RYR1: variants seen among roughly 807,000 people sequenced by gnomAD.
RYR1 encodes central core disease of muscle.
In RYR1, 342 loss-of-function variants were observed where a neutral mutation model predicts 583.5. The observed-to-expected ratio is 0.59, with a 90% CI of 0.54 to 0.64. The LOEUF is 0.64. Ranked by LOEUF, RYR1 falls within the 30% of genes least tolerant of loss-of-function variation. RYR1 has a pLI of 0.00. For missense variants in RYR1, 6,032 were observed against 6,917.2 expected (o/e 0.87, Z 4.54); for synonymous variants, 2,791 against 2,822.5 (o/e 0.99, Z 0.35).
chr19:38,511,809 A>G (rs1243972536), intron 61 of RYR1, among the ~76,000 whole-genome samples, 199 bp downstream of exon 61: 1 of 152,132 alleles, frequency 6.6e-6, no homozygotes, highest in East Asian at 1.9e-4. Context: ...CTCCCAGGCC[A>G]GTGGGAGAGA....
At chr19:38,572,406 G>A (rs1973762105) in intron 95 of RYR1, 136 bp downstream of exon 95, 3 of 1,065,988 alleles carry the variant, frequency 2.8e-6, no homozygotes, top group Admixed American at 4.3e-5. Context: ...GGTGAGGGCT[G>A]GGGAACTGGG....
chr19:38,578,247 G>A (rs754892389), intron 99 of RYR1, 43 bp downstream of exon 99: 5 of 1,600,588 alleles, frequency 3.1e-6, no homozygotes, highest in Non-Finnish European at 4.3e-6. Context: ...CTGCAGGGGT[G>A]GGGCGTTAGG....
At chr19:38,517,174 T>A (rs546142529) in intron 65 of RYR1, among the ~76,000 whole-genome samples, 185 bp from the exon 66 acceptor site, 1 of 151,646 alleles carries the variant, frequency 6.6e-6, no homozygotes, top group South Asian at 2.1e-4. Context: ...GCGGGGCCAC[T>A]GAGTTTCAAT....
At chr19:38,493,181 TCTAA>T (rs1266470206) in intron 38 of RYR1, among the ~76,000 whole-genome samples, 4 of 152,214 alleles carry the variant, frequency 2.6e-5, no homozygotes, top group Admixed American at 6.5e-5. Flanking sequence ...GTGGCAAACC[TCTAA>T]CTAAGGGATG....
intron 48 of RYR1, 29 bp downstream of exon 48, chr19:38,502,756 C>CAGGGGCAGGGGA: frequency 3.0e-6 from 1 of 336,554 alleles, no homozygotes; most frequent in Admixed American, 5.3e-5. Flanking sequence ...CAGGGTGGGG[C>CAGGGGCAGGGGA]AGGGGCAGGG....
chr19:38,562,952 C>T (rs1030900640), intron 90 of RYR1, among the ~76,000 whole-genome samples: 4 of 152,206 alleles, frequency 2.6e-5, no homozygotes, highest in African/African-American at 9.6e-5. Flanking sequence ...TACACACCCC[C>T]ATCTGGCACA....
chr19:38,586,594 G>A lies in RYR1; in HGVS notation c.15021+18G>A. ...CGGGTCAGGTAAGGGGGTGTTAATG[G>A]GAGGACAGTGGGCAGGACGTGGAGC... is the stretch of plus-strand genomic sequence containing the variant. On this transcript the variant is annotated intron_variant, in intron 105 of 105. Coordinates refer to ENST00000359596, the MANE Select transcript of RYR1 (RefSeq NM_000540.3). 1 of 1,612,512 alleles carries A rather than the reference G, an allele frequency of 6.2e-7. No individual in the cohort carries two copies. The highest frequency in any genetic ancestry group is 8.5e-7 in the Non-Finnish European group (1 of 1,178,536).
rs1318662700 is a variant in RYR1, at chr19:38,466,414, T to C, written c.3178+16T>C. The C allele has an allele frequency of 1.3e-6, 2 of 1,540,352 alleles. No homozygotes were observed. The highest frequency in any genetic ancestry group is 1.7e-6 in the Non-Finnish European group (2 of 1,146,464). On this transcript the variant is annotated intron_variant, in intron 24 of 105. Coordinates refer to ENST00000359596, the MANE Select transcript of RYR1 (RefSeq NM_000540.3). ...CAGGAGCCCAGTGAGTGCTCACCCC[T>C]GGCCCTGGCCCTGACTCCTACCCCA...
Position 38,499,734 on chromosome 19 carries a change from T to G in RYR1, c.7127T>G (p.Leu2376Arg). The change falls in exon 44 of 106, where the codon CTG (leucine) becomes CGG (arginine). Residue 2376 changes from leucine to arginine, a missense_variant. By Grantham distance (102) the Leu-to-Arg change is moderately radical. Around this residue, in one of 11 missense-constraint regions of RYR1, gnomAD observed 2,627 missense variants for 2,961.3 expected, o/e 0.89. Coordinates refer to ENST00000359596, the MANE Select transcript of RYR1 (RefSeq NM_000540.3). This position sits in a 1 kb window ranked among gnomAD's most constrained non-coding sequence, Gnocchi z 7.3. The part of the protein sequence containing the change: ...PALRGEGGSG[L>R]LAAIEEAIRI... ...CTGCGGGGTGAGGGTGGCTCAGGGCTGCTGGCTGCCATCGAAGAGGCCATC... is the reference window on the plus strand; with the variant it reads ...CTGCGGGGTGAGGGTGGCTCAGGGCGGCTGGCTGCCATCGAAGAGGCCATC... 1 of 1,602,128 alleles carries G rather than the reference T, an allele frequency of 6.2e-7. No homozygotes were observed.
rs780036569 is a variant in RYR1 at position 38,455,469 on chromosome 19, A to G, written c.1595A>G (p.Asn532Ser). ...YELLASLIRG[N>S]RSNCALFSTN... Reference sequence around the variant, plus strand: ...CCCTCAGCTTCTCTAATCCGTGGCAATCGTAGCAACTGTGCCCTCTTCTCC... The same window carrying G: ...CCCTCAGCTTCTCTAATCCGTGGCAGTCGTAGCAACTGTGCCCTCTTCTCC... The change falls in exon 15 of 106, where the codon AAT (asparagine) becomes AGT (serine). Residue 532 changes from asparagine (N) to serine (S), a missense_variant. Transcript: ENST00000359596. The G allele has an allele frequency of 4.0e-5, 64 of 1,614,124 alleles. No homozygotes were observed. Among genetic ancestry groups the G allele is most frequent in the Non-Finnish European group, 5.1e-5 (60 of 1,180,010 alleles).
At chr19:38,478,721 C>G in intron 31 of RYR1, 121 bp downstream of exon 31, 1 of 1,129,574 alleles carries the variant, frequency 8.9e-7, no homozygotes, top group Non-Finnish European at 1.3e-6. Flanking sequence ...CTAGGCTGTC[C>G]TCAAGAGGTC....
At chr19:38,534,148 A>T (rs1305625088) in intron 78 of RYR1, among the ~76,000 whole-genome samples, 1 of 151,806 alleles carries the variant, frequency 6.6e-6, no homozygotes, top group African/African-American at 2.4e-5. Context: ...AGTAGCTAGG[A>T]CTACAGGCTC....
Position 38,499,180 on chromosome 19 carries a change from G to A in RYR1, c.6964G>A (p.Gly2322Ser). ...MLVAKGYPDI[G>S]WNPCGGERYL... The stretch of plus-strand genomic sequence containing the variant: ...TGTGGCCAAAGGGTACCCAGACATT[G>A]GCTGGAACCCCTGTGGTGGAGAGCG... The change falls in exon 43 of 106, where the codon GGC becomes AGC. Residue 2322 changes from glycine to serine, a missense_variant. This residue lies in a region of RYR1 where 2,627 missense variants were observed against 2,961.3 expected (regional missense o/e 0.89). Coordinates refer to ENST00000359596, the MANE Select transcript of RYR1 (RefSeq NM_000540.3). The surrounding 1 kb of genome is among the most constrained non-coding windows in gnomAD (Gnocchi z 7.3). The A allele has an allele frequency of 6.2e-7, 1 of 1,614,222 alleles. No individual in the cohort carries two copies.
In RYR1 at chr19:38,565,190, G is replaced by A. The variant is rs1309434320; in HGVS notation, c.12856G>A (p.Ala4286Thr). The A allele has an allele frequency of 2.9e-6, 3 of 1,048,846 alleles. No individual in the cohort carries two copies. The African/African-American group carries it at 5.2e-5, about 18-fold the overall frequency. The allele number at this position is 1,048,846 out of a possible 1,614,324, so 65.0% of individuals were successfully genotyped here. Reference protein sequence around the residue: ...EEGAAGLEGTAATAAAGATAR... With the variant: ...EEGAAGLEGTTATAAAGATAR... ...GGGCGCGGCGGGGCTCGAGGGCACGGCGGCCACGGCGGCGGCGGGGGCGAC... is the reference window on the plus strand; with the variant it reads ...GGGCGCGGCGGGGCTCGAGGGCACGACGGCCACGGCGGCGGCGGGGGCGAC... Residue 4286 changes from alanine to threonine, a missense_variant, in exon 91 of 106, where the codon GCG becomes ACG. This residue lies in a region of RYR1 where 753 missense variants were observed against 759.6 expected (regional missense o/e 0.99). Coordinates refer to ENST00000359596, the MANE Select transcript of RYR1 (RefSeq NM_000540.3). This position sits in a 1 kb window ranked among gnomAD's most constrained non-coding sequence, Gnocchi z 4.7.
chr19:38,459,351 C>T lies in RYR1; in HGVS notation c.2360+13C>T, dbSNP rs1600688458. On this transcript the variant is annotated intron_variant, in intron 19 of 105. Transcript: ENST00000359596. The stretch of plus-strand genomic sequence containing the variant: ...CGGCTGGTGTCAAGTGAGAACTTGC[C>T]CCCACCCCACGGCCAGTCCTCAGAC... The T allele has an allele frequency of 1.9e-6, 3 of 1,613,312 alleles. No homozygotes were observed. The highest frequency in any genetic ancestry group is 4.5e-5 in the East Asian group (2 of 44,848).
chr19:38,552,542 C>T (rs1373768984), intron 89 of RYR1, among the ~76,000 whole-genome samples: 2 of 152,088 alleles, frequency 1.3e-5, no homozygotes, highest in African/African-American at 2.4e-5. Flanking sequence ...TGAGCCACCG[C>T]GCCTGGCCAG....
At chr19:38,451,051 G>T (rs574374588) in intron 11 of RYR1, among the ~76,000 whole-genome samples, 2 of 152,326 alleles carry the variant, frequency 1.3e-5, no homozygotes, top group Admixed American at 1.3e-4. Flanking sequence ...AGTCAGTGTT[G>T]GCTCAGAAGG....
rs544923053 is a variant in RYR1 at position 38,444,818 on chromosome 19, C to T, written c.631+141C>T. On this transcript the variant is annotated intron_variant, in intron 7 of 105. Coordinates refer to ENST00000359596, the MANE Select transcript of RYR1 (RefSeq NM_000540.3). This position sits in a 1 kb window ranked among gnomAD's most constrained non-coding sequence, Gnocchi z 5.1. ...CAAATTATGGCTCTCACACTTAGATCTCCAGCTGACCCCAAATCCAGACCC... is the reference window on the plus strand; with the variant it reads ...CAAATTATGGCTCTCACACTTAGATTTCCAGCTGACCCCAAATCCAGACCC... 12 of 667,758 alleles carry T rather than the reference C, an allele frequency of 1.8e-5. No individual in the cohort carries two copies. The South Asian group carries it at 2.1e-4, about 11-fold the overall frequency. 41.4% of individuals were successfully genotyped at this position (667,758 alleles called of 1,614,324 possible).
chr19:38,536,904 T>C, intron 83 of RYR1, 137 bp downstream of exon 83: 2 of 867,366 alleles, frequency 2.3e-6, no homozygotes, highest in Non-Finnish European at 3.8e-6. Flanking sequence ...ACCCTGCCAG[T>C]GCAAAACCTG....
Sources: gnomAD v4.1 joint callset for allele counts (sites outside exome capture counted in the v4.1 genomes callset) on GRCh38, gnomAD v4.1.1 for gene constraint, gnomAD v4.1.1 regional missense constraint, Gnocchi (gnomAD v3.1) non-coding constraint, MANE v1.5 for transcripts, NCBI Gene and HGNC (gene_info 2026-07-23, HGNC 2026-07-21) for gene names.